The following ATP6V0D2 variants were observed in gnomAD, a reference collection of about 807,000 sequenced individuals.
ATP6V0D2 encodes the protein V-type proton ATPase subunit d 2.
Under a neutral mutation model 40.0 loss-of-function variants are expected in ATP6V0D2, and 40 were observed. The observed-to-expected ratio is 1.00, with a 90% CI of 0.78 to 1.30. ATP6V0D2 has a LOEUF of 1.30. Ranked by LOEUF, ATP6V0D2 falls within the 50% of genes most tolerant of loss-of-function variation. The pLI is 0.00. For missense variants in ATP6V0D2, 470 were observed against 423.1 expected (o/e 1.11, Z -0.97); for synonymous variants, 179 against 156.3 (o/e 1.15, Z -1.08).
chr8:86,152,731 A>G, intron 7 of ATP6V0D2, 85 bp from the exon 8 acceptor site: 2 of 1,380,854 alleles, frequency 1.4e-6, no homozygotes, highest in South Asian at 3.1e-5. Context: ...AGCACTGCAC[A>G]AGTTCAAGCC....
intron 2 of ATP6V0D2, among the ~76,000 whole-genome samples, chr8:86,133,778 G>A (rs1586097607): frequency 6.6e-6 from 1 of 152,128 alleles, no homozygotes; most frequent in East Asian, 1.9e-4. Context: ...CGGGAAGCTG[G>A]GCCTTTGACC....
chr8:86,138,349 T>A (rs1267217370), intron 2 of ATP6V0D2, among the ~76,000 whole-genome samples: 1 of 152,224 alleles, frequency 6.6e-6, no homozygotes, highest in African/African-American at 2.4e-5. Context: ...TATAATTTAT[T>A]TTGCATAGCA....
At chr8:86,152,551 G>A (rs1175143042) in intron 7 of ATP6V0D2, among the ~76,000 whole-genome samples, 2 of 152,198 alleles carry the variant, frequency 1.3e-5, no homozygotes, top group African/African-American at 4.8e-5. Flanking sequence ...CAGTGTGAAA[G>A]CGTTCCTATT....
intron 2 of ATP6V0D2, among the ~76,000 whole-genome samples, chr8:86,131,445 C>T (rs956717213): frequency 3.3e-5 from 5 of 151,868 alleles, no homozygotes; most frequent in Non-Finnish European, 5.9e-5. Context: ...AAGATCTGCC[C>T]GCCTTAGCCT....
chr8:86,117,016 C>A (rs1003564906), intron 2 of ATP6V0D2, among the ~76,000 whole-genome samples: 3 of 151,894 alleles, frequency 2.0e-5, no homozygotes, highest in Non-Finnish European at 4.4e-5. Flanking sequence ...GATACAGGAC[C>A]TAATTGTCTA....
chr8:86,123,695 A>G (rs758222597), intron 2 of ATP6V0D2, among the ~76,000 whole-genome samples: 3 of 152,216 alleles, frequency 2.0e-5, no homozygotes, highest in Admixed American at 6.6e-5. Flanking sequence ...AAGTAAGATA[A>G]GTGGATTTTA....
At chr8:86,111,581 A>T (rs1297573766) in intron 1 of ATP6V0D2, among the ~76,000 whole-genome samples, 1 of 152,118 alleles carries the variant, frequency 6.6e-6, no homozygotes, top group Non-Finnish European at 1.5e-5. Context: ...TACTGATTTC[A>T]TTTCCTTTGG....
chr8:86,109,269 C>G (rs1460718980), intron 1 of ATP6V0D2, among the ~76,000 whole-genome samples: 1 of 152,060 alleles, frequency 6.6e-6, no homozygotes, highest in East Asian at 1.9e-4. Context: ...TACTCACACA[C>G]CTATTTAGAT....
At chr8:86,108,381 A>G (rs1818494362) in intron 1 of ATP6V0D2, among the ~76,000 whole-genome samples, 1 of 152,076 alleles carries the variant, frequency 6.6e-6, no homozygotes, top group Non-Finnish European at 1.5e-5. Context: ...GCCTCAAGCA[A>G]TCCTCCCACC....
At position 86,146,387 on chromosome 8, in the gene ATP6V0D2, G is replaced by GTTTT. The variant is rs1819068806; in HGVS notation, c.639+3436_639+3437insTTTT. ...AGATGAGATTAGTGTTTGTTTGTTT[G>GTTTT]TTTCAAACAGCATTAAAAAAAAATC... is the stretch of plus-strand genomic sequence containing the variant. On this transcript the variant is annotated intron_variant, in intron 5 of 7. Transcript: ENST00000285393. Among the ~76,000 whole-genome samples the GTTTT allele has an allele frequency of 2.0e-5, 3 of 152,128 alleles. No individual in the cohort carries two copies. In the South Asian group the frequency reaches 6.2e-4, roughly 32 times the overall value.
chr8:86,101,559 T>G (rs1300226393), intron 1 of ATP6V0D2, among the ~76,000 whole-genome samples: 2 of 151,996 alleles, frequency 1.3e-5, no homozygotes, highest in African/African-American at 4.8e-5. Flanking sequence ...AAGGTCCCTT[T>G]TAATCAAAAG....
At chr8:86,111,700 A>C (rs1258368857) in intron 1 of ATP6V0D2, among the ~76,000 whole-genome samples, 2 of 152,148 alleles carry the variant, frequency 1.3e-5, no homozygotes, top group African/African-American at 2.4e-5. Context: ...CTCCTTGCAC[A>C]CAGCATACCT....
At chr8:86,130,853 C>A (rs1818814178) in intron 2 of ATP6V0D2, among the ~76,000 whole-genome samples, 2 of 152,032 alleles carry the variant, frequency 1.3e-5, no homozygotes, top group African/African-American at 4.8e-5. Flanking sequence ...GCCATAACGA[C>A]CCCCCACCCC....
At chr8:86,147,671 A>G (rs1819090109) in intron 5 of ATP6V0D2, among the ~76,000 whole-genome samples, 1 of 152,218 alleles carries the variant, frequency 6.6e-6, no homozygotes, top group Non-Finnish European at 1.5e-5. Flanking sequence ...ATAGTCAGTT[A>G]TGATAAAAGG....
chr8:86,115,759 T>C (rs1818584145), intron 2 of ATP6V0D2, among the ~76,000 whole-genome samples: 1 of 152,194 alleles, frequency 6.6e-6, no homozygotes, highest in Admixed American at 6.5e-5. Context: ...TATCCAAATA[T>C]ACTTGCTGAG....
intron 2 of ATP6V0D2, among the ~76,000 whole-genome samples, chr8:86,136,183 A>C (rs1194668187): frequency 1.3e-5 from 2 of 152,206 alleles, no homozygotes; most frequent in Non-Finnish European, 2.9e-5. Context: ...AACCCCATCT[A>C]TAAAGCCCTT....
chr8:86,152,791 T>G (rs758248296), intron 7 of ATP6V0D2, 25 bp from the exon 8 acceptor site: 1 of 1,577,688 alleles, frequency 6.3e-7, no homozygotes, highest in Non-Finnish European at 8.6e-7. Context: ...GTTGATGATC[T>G]GTGTTACTTT....
At chr8:86,128,685 C>A (rs6997770) in intron 2 of ATP6V0D2, among the ~76,000 whole-genome samples, 33,769 of 152,120 alleles carry the variant, frequency 0.22, 4,609 homozygotes, top group African/African-American at 0.38. Flanking sequence ...AATGACCACA[C>A]AAAGACAACT....
Position 86,139,860 on chromosome 8 carries a change from A to G in ATP6V0D2, c.481+225A>G, listed in dbSNP as rs550180768. 2.0e-5 allele frequency among the ~76,000 whole-genome samples: 3 copies of G among 152,366 alleles called. No homozygotes were observed. In the South Asian group the frequency reaches 6.2e-4, roughly 32 times the overall value. ...TTTTTCAGATCAGGACAAATGAAGCAACCTGCTCAGATCACATGTGAACCA... is the reference window on the plus strand; with the variant it reads ...TTTTTCAGATCAGGACAAATGAAGCGACCTGCTCAGATCACATGTGAACCA... On this transcript the variant is annotated intron_variant, in intron 3 of 7. Coordinates refer to ENST00000285393, the MANE Select transcript of ATP6V0D2 (RefSeq NM_152565.1).
Sources: gnomAD v4.1 joint callset for allele counts (sites outside exome capture counted in the v4.1 genomes callset) on GRCh38, gnomAD v4.1.1 for gene constraint, MANE v1.5 for transcripts, NCBI Gene and HGNC (gene_info 2026-07-23, HGNC 2026-07-21) for gene names.